Variants in OLAH observed in about 807,000 individuals in gnomAD.
OLAH encodes the protein S-acyl fatty acid synthase thioesterase, medium chain.
OLAH carries 33 observed loss-of-function variants against 27.8 expected under a neutral mutation model. The ratio of observed to expected loss-of-function variants is 1.19; its 90% CI spans 0.90 to 1.59. The LOEUF (loss-of-function observed/expected upper bound fraction) is 1.59. Among genes scored for constraint, OLAH ranks in the 40% most tolerant of loss-of-function variants. OLAH has a pLI of 0.00. For missense variants in OLAH, 359 were observed against 310.8 expected, an observed-to-expected ratio of 1.16 and a Z score of -1.17; for synonymous variants, 120 against 102.9, an observed-to-expected ratio of 1.17 and a Z score of -1.01.
chr10:15,055,604 CT>C (rs568510361), intron 3 of OLAH, among the ~76,000 whole-genome samples: 133 of 152,256 alleles, frequency 8.7e-4, no homozygotes, highest in Middle Eastern at 3.4e-3. Context: ...ATCAGAAATA[CT>C]TTTATATGAG....
intron 3 of OLAH, among the ~76,000 whole-genome samples, chr10:15,059,663 G>C (rs913606447): frequency 1.3e-5 from 2 of 152,122 alleles, no homozygotes; most frequent in African/African-American, 4.8e-5. Flanking sequence ...AAAATTACCC[G>C]GGTGTGGTGG....
intron 6 of OLAH, among the ~76,000 whole-genome samples, chr10:15,070,514 C>A (rs1051498390): frequency 2.6e-5 from 4 of 152,128 alleles, no homozygotes; most frequent in African/African-American, 9.7e-5. Flanking sequence ...GATGGAGTTT[C>A]GCTCTTGTTG....
chr10:15,063,281 C>T (rs993461478), intron 4 of OLAH, among the ~76,000 whole-genome samples: 3 of 152,124 alleles, frequency 2.0e-5, no homozygotes, highest in Admixed American at 6.6e-5. Flanking sequence ...CATGCCACCA[C>T]ACCCTGCTAA....
rs1332596105 is a variant in OLAH, at chr10:15,047,259, A to ACT, written c.-29_-28insTC. On this transcript the variant is annotated 5_prime_UTR_variant, in exon 2 of 8. Transcript: ENST00000378228. The stretch of plus-strand genomic sequence containing the variant: ...GTTGAGCACTCAACACGCCACAGAG[A>ACT]CCAGCCATCTTGCAACCTCACCTCA... The ACT allele has an allele frequency of 1.9e-6, 3 of 1,612,656 alleles. No homozygotes were observed. In the African/African-American group the frequency reaches 4.0e-5, roughly 22 times the overall value.
intron 1 of OLAH, among the ~76,000 whole-genome samples, chr10:15,038,203 C>T (rs1843871046): frequency 6.6e-6 from 1 of 152,180 alleles, no homozygotes; most frequent in South Asian, 2.1e-4. Flanking sequence ...TGCCTGTACC[C>T]CATTGTATCT....
upstream of OLAH, among the ~76,000 whole-genome samples, chr10:15,043,102 C>T (rs192500949): frequency 8.5e-3 from 1,294 of 152,018 alleles, 9 homozygotes; most frequent in Non-Finnish European, 0.011. Context: ...CCTTGTGATC[C>T]ACCCGCCTTG....
At chr10:15,042,220 C>T (rs1188678891), upstream of OLAH, among the ~76,000 whole-genome samples, 4 of 151,984 alleles carry the variant, frequency 2.6e-5, no homozygotes, top group Non-Finnish European at 4.4e-5. Flanking sequence ...GACGTGATCT[C>T]GGCTCACTGC....
chr10:15,065,658 T>G lies in OLAH; in HGVS notation c.477T>G (p.Phe159Leu). Reference sequence around the variant, plus strand: ...AAATAAGTCATTACCTTATGGAATTTGGAGGCACCCCCAAGCATTTTGCTG... The same window carrying G: ...AAATAAGTCATTACCTTATGGAATTGGGAGGCACCCCCAAGCATTTTGCTG... Reference protein sequence around the residue: ...EEQISHYLMEFGGTPKHFAEA... With the variant: ...EEQISHYLMELGGTPKHFAEA... The change falls in exon 6 of 8, where the codon TTT becomes TTG. Residue 159 changes from phenylalanine to leucine, a missense_variant. Physicochemically the swap from Phe to Leu is conservative, Grantham distance 22 (BLOSUM62 0). Coordinates refer to ENST00000378228, the MANE Select transcript of OLAH (RefSeq NM_001039702.3). 2 of 1,614,168 alleles carry G rather than the reference T, an allele frequency of 1.2e-6. No individual in the cohort carries two copies.
At chr10:15,041,598 C>T (rs558689941), upstream of OLAH, among the ~76,000 whole-genome samples, 114 of 146,258 alleles carry the variant, frequency 7.8e-4, 1 homozygote, top group African/African-American at 2.8e-3. Flanking sequence ...TCTTTTGGGA[C>T]GGAGTTTCAC....
intron 6 of OLAH, among the ~76,000 whole-genome samples, chr10:15,070,288 C>T (rs1005843466): frequency 7.9e-5 from 12 of 151,972 alleles, no homozygotes; most frequent in African/African-American, 2.2e-4. Context: ...GGTCCCCCTC[C>T]GATCCGTTAT....
intron 3 of OLAH, among the ~76,000 whole-genome samples, chr10:15,055,165 T>A (rs927746819): frequency 2.0e-5 from 3 of 152,238 alleles, no homozygotes; most frequent in East Asian, 1.9e-4. Context: ...GGGGAAAGTG[T>A]TCTCATTGCC....
At chr10:15,034,117 T>TTC (rs1554811678) in intron 1 of OLAH, among the ~76,000 whole-genome samples, 50 of 140,382 alleles carry the variant, frequency 3.6e-4, no homozygotes, top group Non-Finnish European at 7.0e-4. Context: ...TTTTTTTTCT[T>TTC]TTTTTTTTTT....
At chr10:15,067,233 G>T (rs942337049) in intron 6 of OLAH, among the ~76,000 whole-genome samples, 1 of 152,160 alleles carries the variant, frequency 6.6e-6, no homozygotes, top group Non-Finnish European at 1.5e-5. Flanking sequence ...GGATGCAAAA[G>T]CTGGCTTTTA....
intron 3 of OLAH, among the ~76,000 whole-genome samples, chr10:15,055,557 GA>G (rs375519013): frequency 2.7e-4 from 41 of 152,272 alleles, no homozygotes; most frequent in African/African-American, 9.1e-4. Flanking sequence ...ATTGGAAGAA[GA>G]GAGCCCTGTA....
chr10:15,045,175 C>A (rs1438355278), intron 1 of OLAH, among the ~76,000 whole-genome samples: 2 of 152,160 alleles, frequency 1.3e-5, no homozygotes, highest in Non-Finnish European at 2.9e-5. Context: ...GAAAATATTT[C>A]TTGAGTAAAC....
chr10:15,034,122 T>TTC, intron 1 of OLAH, among the ~76,000 whole-genome samples: 3 of 149,816 alleles, frequency 2.0e-5, no homozygotes, highest in South Asian at 2.1e-4. Flanking sequence ...TTTCTTTTTT[T>TTC]TTTTTTTTTG....
At chr10:15,033,725 G>T (rs944855717) in intron 1 of OLAH, among the ~76,000 whole-genome samples, 2 of 152,130 alleles carry the variant, frequency 1.3e-5, no homozygotes, top group African/African-American at 4.8e-5. Flanking sequence ...TGGGAAGAAG[G>T]CTTTGTCTTT....
chr10:15,048,452 T>A lies in OLAH; in HGVS notation c.32+1132T>A, dbSNP rs903442125. On this transcript the variant is annotated intron_variant, in intron 2 of 7. Coordinates refer to ENST00000378228, the MANE Select transcript of OLAH (RefSeq NM_001039702.3). ...AGGCTGGTCTCGAACTCCTCACCTC[T>A]AGTGATCTGCCTCCCTTGGCTTCCC... is the stretch of plus-strand genomic sequence containing the variant. Among the ~76,000 whole-genome samples the A allele has an allele frequency of 7.2e-5, 11 of 152,318 alleles. No individual in the cohort carries two copies. The East Asian group carries it at 2.1e-3, about 29-fold the overall frequency.
upstream of OLAH, among the ~76,000 whole-genome samples, chr10:15,042,939 C>T (rs182422725): frequency 4.2e-5 from 6 of 143,434 alleles, no homozygotes; most frequent in Admixed American, 7.5e-5. Context: ...CCGCTCACTG[C>T]AAGCTCCGCC....
Sources: gnomAD v4.1 joint callset for allele counts (sites outside exome capture counted in the v4.1 genomes callset) on GRCh38, gnomAD v4.1.1 for gene constraint, MANE v1.5 for transcripts, NCBI Gene and HGNC (gene_info 2026-07-23, HGNC 2026-07-21) for gene names.